The following PTPRT variants were observed in gnomAD, a reference collection of about 807,000 sequenced individuals.
PTPRT encodes the protein receptor-type tyrosine-protein phosphatase T.
Under a neutral mutation model 176.8 loss-of-function variants are expected in PTPRT, and 56 were observed. The ratio of observed to expected loss-of-function variants is 0.32; its 90% CI spans 0.26 to 0.40. The LOEUF (loss-of-function observed/expected upper bound fraction) is 0.40, where lower values mean the gene tolerates loss of function less well. Among genes scored for constraint, PTPRT ranks in the 10% least tolerant of loss-of-function variants. The pLI is 1.00. For missense variants in PTPRT, 1,540 were observed against 1,908.2 expected (o/e 0.81, Z 3.60); for synonymous variants, 783 against 739.0 (o/e 1.06, Z -0.96).
chr20:42,658,993 A>T (rs2075174939), intron 7 of PTPRT, among the ~76,000 whole-genome samples: 1 of 152,182 alleles, frequency 6.6e-6, no homozygotes, highest in South Asian at 2.1e-4. Context: ...GAAATGTCTC[A>T]AAATTTTGTA....
At chr20:43,018,539 A>G (rs1211125933) in intron 1 of PTPRT, among the ~76,000 whole-genome samples, 2 of 152,254 alleles carry the variant, frequency 1.3e-5, no homozygotes, top group Admixed American at 6.5e-5. Context: ...GAATTGCAAA[A>G]GACATCGTAA....
intron 5 of PTPRT, among the ~76,000 whole-genome samples, chr20:42,762,635 T>G (rs1349407656): frequency 6.6e-6 from 1 of 152,218 alleles, no homozygotes. Context: ...TGAGCCCCCT[T>G]GGAGGGAGGT....
At chr20:42,607,466 G>A (rs2073899328) in intron 7 of PTPRT, 2 of 152,118 alleles carry the variant, frequency 1.3e-5, no homozygotes, top group South Asian at 2.1e-4. Context: ...AATCATGAAC[G>A]GAATGACCAC....
chr20:42,089,820 A>G (rs1984417638), intron 27 of PTPRT, among the ~76,000 whole-genome samples: 1 of 152,148 alleles, frequency 6.6e-6, no homozygotes. Flanking sequence ...GAAATAAGAG[A>G]AAGAAAGCAG....
chr20:42,047,989 A>C, the PTPRT span, among the ~76,000 whole-genome samples: 1 of 152,274 alleles, frequency 6.6e-6, no homozygotes, highest in Admixed American at 6.5e-5. Context: ...TGAATATTTC[A>C]AGATTCTCCT....
intron 1 of PTPRT, among the ~76,000 whole-genome samples, chr20:43,065,138 G>GTATCCT (rs1162858321): frequency 1.3e-5 from 2 of 152,190 alleles, no homozygotes; most frequent in Non-Finnish European, 2.9e-5. Context: ...GCACACAAGA[G>GTATCCT]GTGCACTCAT....
intron 6 of PTPRT, among the ~76,000 whole-genome samples, chr20:42,755,991 A>G (rs2076826030): frequency 6.6e-6 from 1 of 152,234 alleles, no homozygotes; most frequent in East Asian, 1.9e-4. Flanking sequence ...AAGAAAATTG[A>G]AAAGAATTGA....
Position 42,078,959 on chromosome 20 carries a change from C to T in PTPRT, c.*1920G>A, listed in dbSNP as rs1235801760. ...TTCCATTTCCCCAGCATACAGTGGG[C>T]TCTTGAGGGCCAAAGCTGTACCTTC... On this transcript the variant is annotated 3_prime_UTR_variant, in exon 31 of 31. Transcript: ENST00000373187. 5.6e-6 allele frequency: 1 copy of T among 177,118 alleles called. No homozygotes were observed. Among genetic ancestry groups the T allele is most frequent in the East Asian group, 9.5e-5 (1 of 10,534 alleles). 11.0% of individuals were successfully genotyped at this position (177,118 alleles called of 1,614,324 possible).
At chr20:42,212,318 C>CAAAAAA (rs71193651) in intron 15 of PTPRT, among the ~76,000 whole-genome samples, 1 of 106,914 alleles carries the variant, frequency 9.4e-6, no homozygotes, top group Non-Finnish European at 1.8e-5. Flanking sequence ...AAAAAAAAGA[C>CAAAAAA]AAAAAAAAAA....
chr20:42,466,218 T>G (rs1162438834), intron 8 of PTPRT, among the ~76,000 whole-genome samples: 1 of 152,214 alleles, frequency 6.6e-6, no homozygotes, highest in East Asian at 1.9e-4. Context: ...AATGAACATA[T>G]ACATGCATGT....
In PTPRT at chr20:43,189,583, TG is replaced by T; in HGVS notation, c.88+62del. 5 of 1,094,166 alleles carry T rather than the reference TG, an allele frequency of 4.6e-6. No homozygotes were observed. The highest frequency in any genetic ancestry group is 4.1e-5 in the South Asian group (1 of 24,202). The allele number at this position is 1,094,166 out of a possible 1,614,324, so 67.8% of individuals were successfully genotyped here. On this transcript the variant is annotated intron_variant, in intron 1 of 30. Coordinates refer to ENST00000373187, the MANE Select transcript of PTPRT (RefSeq NM_007050.6). The surrounding 1 kb of genome is among the most constrained non-coding windows in gnomAD (Gnocchi z 5.0). ...CTTTCTCCTCCGAGGGCCCCGCGGC[TG>T]GGGGCCCGCGCGCATCCAGGAGGGA... is the stretch of plus-strand genomic sequence containing the variant.
At chr20:42,110,266 G>C (rs2146289585) in intron 23 of PTPRT, 67 bp downstream of exon 23, 1 of 1,447,016 alleles carries the variant, frequency 6.9e-7, no homozygotes, top group Non-Finnish European at 9.3e-7. Flanking sequence ...TGGCCAGGCT[G>C]GTCTCGAACT....
At chr20:42,166,326 T>A (rs1044459679) in intron 16 of PTPRT, among the ~76,000 whole-genome samples, 1 of 152,272 alleles carries the variant, frequency 6.6e-6, no homozygotes, top group African/African-American at 2.4e-5. Flanking sequence ...CTGTTCAATA[T>A]GGTAGTCACT....
At chr20:42,870,780 T>C (rs1208619097) in intron 2 of PTPRT, among the ~76,000 whole-genome samples, 1 of 152,186 alleles carries the variant, frequency 6.6e-6, no homozygotes, top group Non-Finnish European at 1.5e-5. Flanking sequence ...ACTATACCAT[T>C]TTTACACTCT....
At chr20:42,100,317 A>G (rs183624787) in intron 26 of PTPRT, among the ~76,000 whole-genome samples, 1 of 152,368 alleles carries the variant, frequency 6.6e-6, no homozygotes, top group Admixed American at 6.5e-5. Context: ...GGATAACATC[A>G]TCCTTTACCA....
At chr20:43,021,997 T>C (rs1350004023) in intron 1 of PTPRT, among the ~76,000 whole-genome samples, 6 of 152,118 alleles carry the variant, frequency 3.9e-5, no homozygotes, top group African/African-American at 1.2e-4. Flanking sequence ...AGCTACTGAG[T>C]TGGCTTCCCT....
intron 13 of PTPRT, among the ~76,000 whole-genome samples, chr20:42,254,154 T>A (rs901456426): frequency 6.6e-6 from 1 of 152,182 alleles, no homozygotes; most frequent in African/African-American, 2.4e-5. Flanking sequence ...CAAGGATTAC[T>A]GAGACCTAAC....
intron 1 of PTPRT, among the ~76,000 whole-genome samples, chr20:43,164,292 G>C (rs898386464): frequency 2.6e-5 from 4 of 152,206 alleles, no homozygotes; most frequent in African/African-American, 9.7e-5. Context: ...AACATTTGTA[G>C]AGCACCCAGT....
At chr20:42,954,199 T>C (rs1182997069) in intron 1 of PTPRT, among the ~76,000 whole-genome samples, 1 of 152,208 alleles carries the variant, frequency 6.6e-6, no homozygotes, top group East Asian at 1.9e-4. Context: ...GAGGTTGATG[T>C]GTAACTTGTA....
Sources: allele counts gnomAD v4.1 joint callset (sites outside exome capture counted in the v4.1 genomes callset), GRCh38; gene constraint gnomAD v4.1.1; non-coding constraint Gnocchi (gnomAD v3.1); transcripts MANE v1.5; gene names NCBI Gene and HGNC (gene_info 2026-07-23, HGNC 2026-07-21).